Variants in DYSF observed in about 807,000 individuals in gnomAD.
DYSF encodes the protein dysferlin.
In DYSF, 212 loss-of-function variants were observed where a neutral mutation model predicts 274.9. The ratio of observed to expected loss-of-function variants is 0.77; its 90% CI spans 0.69 to 0.86. The LOEUF (loss-of-function observed/expected upper bound fraction) is 0.86. Among genes scored for constraint, DYSF ranks in the 40% least tolerant of loss-of-function variants. The pLI is 0.00. For missense variants in DYSF, 2,666 were observed against 2,783.2 expected (o/e 0.96, Z 0.95); for synonymous variants, 1,091 against 1,078.7 (o/e 1.01, Z -0.22).
intron 3 of DYSF, among the ~76,000 whole-genome samples, chr2:71,484,601 T>C (rs897927934): frequency 6.6e-6 from 1 of 152,224 alleles, no homozygotes; most frequent in African/African-American, 2.4e-5. Flanking sequence ...TAGGGAATAC[T>C]AGACTCATTC....
chr2:71,686,362 C>T, intron 55 of DYSF, 92 bp from the exon 56 acceptor site: 1 of 1,527,866 alleles, frequency 6.5e-7, no homozygotes, highest in South Asian at 1.1e-5. Flanking sequence ...CAGCTTAGCC[C>T]CATCCTCTGA....
intron 4 of DYSF, among the ~76,000 whole-genome samples, chr2:71,509,855 G>C (rs1348700088): frequency 1.3e-5 from 2 of 151,780 alleles, no homozygotes; most frequent in Non-Finnish European, 1.5e-5. Context: ...GACTCATTGC[G>C]ACCTCTGCCG....
rs1466282132 is a variant in DYSF, at chr2:71,513,719, C to T, written c.557C>T (p.Thr186Ile). Residue 186 changes from threonine (T) to isoleucine (I), a missense_variant, in exon 7 of 56, where the codon ACA (threonine) becomes ATA (isoleucine). Thr to Ile is a moderately conservative substitution (Grantham distance 89). This residue lies in a region of DYSF where 794 missense variants were observed against 777.1 expected (regional missense o/e 1.02). Transcript: ENST00000410020. The part of the protein sequence containing the change: ...SGKKWPAPTD[T>I]GGEEDTEDQG... ...CATTAGGGCCCTCTCCTCTTAGACACAGGAGGAGAGGAAGACACAGAGGAC... is the reference window on the plus strand; with the variant it reads ...CATTAGGGCCCTCTCCTCTTAGACATAGGAGGAGAGGAAGACACAGAGGAC... 6.2e-7 allele frequency: 1 copy of T among 1,613,798 alleles called. No homozygotes were observed.
intron 1 of DYSF, among the ~76,000 whole-genome samples, chr2:71,459,598 C>G (rs1225338001): frequency 6.6e-6 from 1 of 152,158 alleles, no homozygotes; most frequent in Non-Finnish European, 1.5e-5. Context: ...GCTGTAAATC[C>G]AGATTTATAC....
chr2:71,477,747 A>G (rs1481201502), intron 1 of DYSF, among the ~76,000 whole-genome samples: 1 of 152,264 alleles, frequency 6.6e-6, no homozygotes, highest in Non-Finnish European at 1.5e-5. Context: ...CAAAATGTTC[A>G]TTGATCTGGT....
At chr2:71,539,334 A>G (rs2089700126) in intron 17 of DYSF, 95 bp downstream of exon 17, 2 of 1,142,914 alleles carry the variant, frequency 1.7e-6, no homozygotes, top group Admixed American at 1.8e-5. Context: ...AGTTTGCAGA[A>G]AAGGGGAGAT....
intron 24 of DYSF, among the ~76,000 whole-genome samples, chr2:71,567,195 T>G (rs185740615): frequency 2.1e-4 from 32 of 152,374 alleles, no homozygotes; most frequent in Non-Finnish European, 3.4e-4. Context: ...TTGTGGTTAT[T>G]CCATTTGGCA....
chr2:71,522,669 C>T (rs1205727692), intron 12 of DYSF, among the ~76,000 whole-genome samples: 1 of 152,168 alleles, frequency 6.6e-6, no homozygotes, highest in Admixed American at 6.5e-5. Flanking sequence ...GTTGCCTTGT[C>T]ATCAGGCCAC....
At chr2:71,482,441 G>A (rs545039569) in intron 3 of DYSF, among the ~76,000 whole-genome samples, 9 of 152,300 alleles carry the variant, frequency 5.9e-5, no homozygotes, top group East Asian at 1.9e-4. Flanking sequence ...GTTAAGATTC[G>A]TGGTTTAGAA....
chr2:71,460,813 A>G (rs192526500), intron 1 of DYSF, among the ~76,000 whole-genome samples: 30 of 152,058 alleles, frequency 2.0e-4, no homozygotes, highest in Middle Eastern at 3.4e-3. Flanking sequence ...GAATGTTCCT[A>G]TGGAGGTATT....
intron 41 of DYSF, among the ~76,000 whole-genome samples, chr2:71,637,093 A>G (rs1305929945): frequency 6.6e-6 from 1 of 152,246 alleles, no homozygotes; most frequent in East Asian, 1.9e-4. Context: ...AAGTTTTTCT[A>G]TAAAGGGGCG....
chr2:71,624,411 G>A (rs1280445609), intron 41 of DYSF, among the ~76,000 whole-genome samples: 2 of 152,118 alleles, frequency 1.3e-5, no homozygotes, highest in African/African-American at 4.8e-5. Context: ...TATGACTTTC[G>A]AGTTGTCTTT....
intron 21 of DYSF, among the ~76,000 whole-genome samples, chr2:71,555,373 C>G (rs780886636): frequency 6.6e-6 from 1 of 152,086 alleles, no homozygotes; most frequent in Non-Finnish European, 1.5e-5. Context: ...GGCTGAGGGA[C>G]AGTCCTTGGC....
intron 30 of DYSF, among the ~76,000 whole-genome samples, chr2:71,583,879 AC>A (rs2092976819): frequency 6.6e-6 from 1 of 151,814 alleles, no homozygotes. Context: ...GGCTCTGGGG[AC>A]CCCTGGGGGA....
intron 41 of DYSF, among the ~76,000 whole-genome samples, chr2:71,624,191 T>G (rs1024998566): frequency 6.6e-6 from 1 of 152,236 alleles, no homozygotes; most frequent in Non-Finnish European, 1.5e-5. Context: ...AATTACCATA[T>G]TAGTACAACC....
chr2:71,562,016 A>G, intron 23 of DYSF, 72 bp downstream of exon 23: 9 of 1,556,048 alleles, frequency 5.8e-6, no homozygotes, highest in Non-Finnish European at 7.8e-6. Flanking sequence ...GGCAGGGACA[A>G]GGCGAATGTC....
chr2:71,547,571 G>A (rs752969319), intron 17 of DYSF, among the ~76,000 whole-genome samples: 12 of 152,308 alleles, frequency 7.9e-5, no homozygotes, highest in African/African-American at 2.6e-4. Flanking sequence ...CCTGGGAGGC[G>A]GAGGTTGCAG....
intron 17 of DYSF, chr2:71,549,536 C>T: frequency 2.6e-6 from 2 of 768,018 alleles, no homozygotes; most frequent in Non-Finnish European, 4.3e-6. Flanking sequence ...CTGGACTTAC[C>T]TTTGCTGTCA....
intron 55 of DYSF, among the ~76,000 whole-genome samples, chr2:71,684,173 C>T (rs1172148732): frequency 6.6e-6 from 1 of 151,154 alleles, no homozygotes; most frequent in East Asian, 1.9e-4. Flanking sequence ...GTTGCAGGGA[C>T]TCGAGGTGTG....
Sources: gnomAD v4.1 joint callset for allele counts (sites outside exome capture counted in the v4.1 genomes callset) on GRCh38, gnomAD v4.1.1 for gene constraint, gnomAD v4.1.1 regional missense constraint, MANE v1.5 for transcripts, NCBI Gene and HGNC (gene_info 2026-07-23, HGNC 2026-07-21) for gene names.